Variants in HELZ observed in about 807,000 individuals in gnomAD.
HELZ encodes the protein ATP-dependent RNA helicase with zinc finger domain.
A neutral mutation model predicts 218.2 loss-of-function variants in HELZ; 23 were observed. The ratio of observed to expected loss-of-function variants is 0.11; its 90% CI spans 0.08 to 0.15. The LOEUF is 0.15. HELZ is among the 10% of genes least tolerant of loss of function. HELZ has a pLI of 1.00. For missense variants in HELZ, 1,813 were observed against 2,353.7 expected, an observed-to-expected ratio of 0.77 and a Z score of 4.75; for synonymous variants, 814 against 829.4, an observed-to-expected ratio of 0.98 and a Z score of 0.32.
chr17:67,222,039 A>T (rs2040761046), intron 3 of HELZ, among the ~76,000 whole-genome samples: 2 of 151,906 alleles, frequency 1.3e-5, no homozygotes, highest in African/African-American at 4.8e-5. Context: ...ACAGGGTTTC[A>T]ATGTGTGGCC....
intron 2 of HELZ, among the ~76,000 whole-genome samples, chr17:67,240,533 G>A (rs1248014344): frequency 3.3e-5 from 5 of 152,072 alleles, no homozygotes; most frequent in Admixed American, 2.6e-4. Context: ...CAGGAAGCTC[G>A]CATTATAGGA....
At chr17:67,093,199 G>A (rs1408567694) in intron 31 of HELZ, among the ~76,000 whole-genome samples, 1 of 152,112 alleles carries the variant, frequency 6.6e-6, no homozygotes, top group Admixed American at 6.5e-5. Flanking sequence ...AAGATGTTAT[G>A]AAAAAGGAAA....
intron 12 of HELZ, among the ~76,000 whole-genome samples, chr17:67,180,056 A>G (rs950764109): frequency 2.0e-5 from 3 of 152,240 alleles, no homozygotes; most frequent in Non-Finnish European, 4.4e-5. Flanking sequence ...AAATAATCTT[A>G]GTAATTTCTA....
intron 5 of HELZ, among the ~76,000 whole-genome samples, chr17:67,205,995 C>T (rs777747926): frequency 1.3e-5 from 2 of 152,136 alleles, no homozygotes; most frequent in Non-Finnish European, 2.9e-5. Context: ...GCTACTGTAT[C>T]GTATAACAAA....
At chr17:67,114,434 T>C in intron 27 of HELZ, 31 bp from the exon 28 acceptor site, 1 of 1,314,538 alleles carries the variant, frequency 7.6e-7, no homozygotes, top group Non-Finnish European at 1.1e-6. Context: ...CCTTATAAGT[T>C]TTCTCCAGTG....
Position 67,173,061 on chromosome 17 carries a change from T to C in HELZ, c.1431-5265A>G, listed in dbSNP as rs563925933. ...TTGGTTGTGTCTTGCAACAAAATTC[T>C]TGAGGTAGAGGCACCAGAAGTGCTA... On this transcript the variant is annotated intron_variant, in intron 13 of 32. Coordinates refer to ENST00000358691, the MANE Select transcript of HELZ (RefSeq NM_014877.4). 52 of 981,720 alleles carry C rather than the reference T, an allele frequency of 5.3e-5. No homozygotes were observed. The Admixed American group carries it at 1.7e-3, about 32-fold the overall frequency. 60.8% of individuals were successfully genotyped at this position (981,720 alleles called of 1,614,324 possible). A position where few individuals can be genotyped will look rare whatever the true frequency, so the allele number is the denominator to read the frequency against.
chr17:67,187,929 T>C (rs1324394611), intron 12 of HELZ, among the ~76,000 whole-genome samples: 1 of 152,202 alleles, frequency 6.6e-6, no homozygotes, highest in Non-Finnish European at 1.5e-5. Context: ...CAAAGTTAAC[T>C]AGTCAATAGG....
intron 31 of HELZ, among the ~76,000 whole-genome samples, chr17:67,094,554 TC>T (rs1289894783): frequency 6.6e-6 from 1 of 152,176 alleles, no homozygotes; most frequent in Non-Finnish European, 1.5e-5. Flanking sequence ...TTTTTGGTTT[TC>T]CAGTGCATAT....
At chr17:67,083,686 C>T (rs1310587054) in intron 32 of HELZ, among the ~76,000 whole-genome samples, 1 of 152,150 alleles carries the variant, frequency 6.6e-6, no homozygotes, top group Non-Finnish European at 1.5e-5. Flanking sequence ...ATTTTCAACC[C>T]ATGCATTAAA....
intron 22 of HELZ, 53 bp from the exon 23 acceptor site, chr17:67,136,251 G>T: frequency 8.5e-7 from 1 of 1,170,672 alleles, no homozygotes; most frequent in Non-Finnish European, 1.2e-6. Flanking sequence ...CTGAACCACT[G>T]ATATAATAAA....
chr17:67,182,511 AACTT>A (rs1290450027), intron 12 of HELZ, among the ~76,000 whole-genome samples: 2 of 152,190 alleles, frequency 1.3e-5, no homozygotes, highest in East Asian at 3.8e-4. Flanking sequence ...TTAGGAATTT[AACTT>A]TAACAGTGAC....
At chr17:67,091,378 T>G (rs562492674) in intron 31 of HELZ, among the ~76,000 whole-genome samples, 143 of 152,264 alleles carry the variant, frequency 9.4e-4, no homozygotes, top group Middle Eastern at 3.4e-3. Context: ...TCCTTCCCTT[T>G]CTACATAGAC....
Position 67,135,950 on chromosome 17 carries a change from CAACATT to C in HELZ, c.3182+14_3182+19del. On this transcript the variant is annotated intron_variant, in intron 23 of 32. Transcript: ENST00000358691. ...ATGTCACATTTCCCCTTTAATGTCTCAACATTAACACATAATTACCTGCATCTTCCA... is the reference window on the plus strand; with the variant it reads ...ATGTCACATTTCCCCTTTAATGTCTCAACACATAATTACCTGCATCTTCCA... 6.5e-7 allele frequency: 1 copy of C among 1,543,160 alleles called. No homozygotes were observed. The highest frequency in any genetic ancestry group is 8.9e-7 in the Non-Finnish European group (1 of 1,120,160).
chr17:67,128,176 G>T (rs1331252708), intron 24 of HELZ, among the ~76,000 whole-genome samples: 4 of 152,146 alleles, frequency 2.6e-5, no homozygotes, highest in Non-Finnish European at 4.4e-5. Flanking sequence ...TCTTCAAGAA[G>T]TCAGCCAAAT....
intron 4 of HELZ, among the ~76,000 whole-genome samples, chr17:67,217,571 T>C (rs1017522321): frequency 2.0e-5 from 3 of 152,062 alleles, no homozygotes; most frequent in African/African-American, 7.2e-5. Flanking sequence ...AAAACCAAAG[T>C]CTTTATCACG....
intron 28 of HELZ, among the ~76,000 whole-genome samples, chr17:67,113,123 A>G (rs2037329724): frequency 1.3e-5 from 2 of 152,224 alleles, no homozygotes; most frequent in South Asian, 4.1e-4. Context: ...TTAAAAAAAT[A>G]TATCAAGCAA....
chr17:67,082,121 C>T (rs1295326581), intron 32 of HELZ, among the ~76,000 whole-genome samples: 1 of 152,162 alleles, frequency 6.6e-6, no homozygotes, highest in African/African-American at 2.4e-5. Flanking sequence ...CCTCATCAAC[C>T]CAGCTGGCTC....
intron 3 of HELZ, among the ~76,000 whole-genome samples, chr17:67,238,110 C>T (rs960982198): frequency 6.6e-6 from 1 of 151,740 alleles, no homozygotes; most frequent in South Asian, 2.1e-4. Flanking sequence ...CTTTGGGAGG[C>T]CAAGGCAGGT....
chr17:67,243,693 C>T (rs1486037481), intron 2 of HELZ, 91 bp downstream of exon 2: 2 of 152,144 alleles, frequency 1.3e-5, no homozygotes, highest in African/African-American at 4.8e-5. Flanking sequence ...CAAAGATGGC[C>T]CCATCAAATT....
Sources: allele counts gnomAD v4.1 joint callset (sites outside exome capture counted in the v4.1 genomes callset), GRCh38; gene constraint gnomAD v4.1.1; transcripts MANE v1.5; gene names NCBI Gene and HGNC (gene_info 2026-07-23, HGNC 2026-07-21).